TRIM67: variants seen among roughly 807,000 people sequenced by gnomAD.
TRIM67 encodes tripartite motif containing 67.
In TRIM67, 39 loss-of-function variants were observed where a neutral mutation model predicts 71.0. The ratio of observed to expected loss-of-function variants is 0.55; its 90% CI spans 0.43 to 0.72. The LOEUF (loss-of-function observed/expected upper bound fraction) is 0.72. Among genes scored for constraint, TRIM67 ranks in the 30% least tolerant of loss-of-function variants. The pLI is 0.00. For missense variants in TRIM67, 973 were observed against 1,079.2 expected, an observed-to-expected ratio of 0.90 and a Z score of 1.38; for synonymous variants, 481 against 473.9, an observed-to-expected ratio of 1.01 and a Z score of -0.19.
intron 1 of TRIM67, chr1:231,185,325 A>T: frequency 9.0e-7 from 1 of 1,111,246 alleles, no homozygotes; most frequent in Non-Finnish European, 1.3e-6. Context: ...AAAAGGAAGG[A>T]AAGTCAGAAG....
chr1:231,165,576 T>C (rs1298036905), intron 1 of TRIM67, among the ~76,000 whole-genome samples: 1 of 152,174 alleles, frequency 6.6e-6, no homozygotes, highest in Non-Finnish European at 1.5e-5. Context: ...AGAGAAAACA[T>C]GAGCTGGCAA....
intron 1 of TRIM67, among the ~76,000 whole-genome samples, chr1:231,171,807 A>G (rs1170732630): frequency 6.6e-6 from 1 of 152,206 alleles, no homozygotes; most frequent in African/African-American, 2.4e-5. Context: ...TTTTGCAAAA[A>G]AACAAGTCTG....
chr1:231,215,295 G>C (rs541566983), intron 9 of TRIM67, 80 bp from the exon 10 acceptor site: 2 of 1,529,640 alleles, frequency 1.3e-6, no homozygotes, highest in South Asian at 2.5e-5. Context: ...GGATCCTGCC[G>C]GTGTCTGCGG....
chr1:231,185,093 G>T, intron 1 of TRIM67: 1 of 1,532,934 alleles, frequency 6.5e-7, no homozygotes. Flanking sequence ...GGGCACTTCG[G>T]TCACCATCTG....
chr1:231,215,345 C>G (rs1206025392), intron 9 of TRIM67, 30 bp from the exon 10 acceptor site: 10 of 1,608,320 alleles, frequency 6.2e-6, no homozygotes, highest in Non-Finnish European at 8.5e-6. Context: ...CAGCCTCTCC[C>G]ACCCTCACTT....
chr1:231,191,490 TC>T (rs1365126305), intron 1 of TRIM67, among the ~76,000 whole-genome samples: 21 of 152,214 alleles, frequency 1.4e-4, no homozygotes, highest in African/African-American at 4.8e-4. Flanking sequence ...GTGGGGGGCT[TC>T]CCCAGCTGTT....
rs942244169 is a variant in TRIM67 at position 231,218,285 on chromosome 1, G to C, written c.*2845G>C. 9 of 987,172 alleles carry C rather than the reference G, an allele frequency of 9.1e-6. No individual in the cohort carries two copies. Among genetic ancestry groups the C allele is most frequent in the Non-Finnish European group, 1.1e-5 (9 of 831,160 alleles). The allele number at this position is 987,172 out of a possible 1,614,324, so 61.2% of individuals were successfully genotyped here. ...GGCACATTTGTACATACATATAAAT[G>C]ATATCAAGATGAGGCTTTTGTTGGG... On this transcript the variant is annotated 3_prime_UTR_variant, in exon 10 of 10. Coordinates refer to ENST00000366653, the MANE Select transcript of TRIM67 (RefSeq NM_001004342.5).
At chr1:231,213,477 A>G (rs1683927322) in intron 8 of TRIM67, among the ~76,000 whole-genome samples, 1 of 152,164 alleles carries the variant, frequency 6.6e-6, no homozygotes, top group Admixed American at 6.5e-5. Context: ...CTTTAATCCC[A>G]GCACTTTGGA....
In TRIM67 at chr1:231,163,804, G is replaced by C. The variant is rs749732534; in HGVS notation, c.835G>C (p.Gly279Arg). The change falls in exon 1 of 10, where the codon GGC (glycine) becomes CGC (arginine). Residue 279 changes from glycine to arginine, a missense_variant. Physicochemically the swap from Gly to Arg is moderately radical, Grantham distance 125. Around this residue, in one of 2 missense-constraint regions of TRIM67, gnomAD observed 795 missense variants for 831.3 expected, o/e 0.96. Transcript: ENST00000366653. ...GTAQGAPSGGGGCKSPGGAGA... is the reference protein window; with the variant it reads ...GTAQGAPSGGRGCKSPGGAGA... ...CGCCCAGGGCGCCCCCAGCGGAGGC[G>C]GCGGCTGCAAGAGCCCGGGAGGCGC... The C allele has an allele frequency of 5.4e-6, 8 of 1,494,646 alleles. No homozygotes were observed. In the African/African-American group the frequency reaches 1.1e-4, roughly 21 times the overall value. The allele number at this position is 1,494,646 out of a possible 1,614,324, so 92.6% of individuals were successfully genotyped here.
chr1:231,163,134 G>A lies in TRIM67; in HGVS notation c.165G>A (p.Ser55=), dbSNP rs772575532. 6.5e-7 allele frequency: 1 copy of A among 1,543,546 alleles called. No homozygotes were observed. The change falls in exon 1 of 10, where the codon TCG becomes TCA. Residue 55 remains serine, a synonymous_variant. Transcript: ENST00000366653. ...LPQPLLLSRG[S]GLQAGAAAAA... ...AGCCGCTCCTGCTTTCCCGGGGATC[G>A]GGGCTGCAGGCGGGCGCCGCCGCCG... is the stretch of plus-strand genomic sequence containing the variant.
Position 231,163,734 on chromosome 1 carries a change from G to A in TRIM67, c.765G>A (p.Pro255=), listed in dbSNP as rs1195619728. ...FAKHRLVQPP[P]PPPPPAEAAS... ...AGCATCGCCTGGTGCAGCCGCCGCC[G>A]CCGCCGCCGCCGCCCGCCGAGGCAG... The change falls in exon 1 of 10, where the codon CCG becomes CCA. Residue 255 remains proline, a synonymous_variant. Coordinates refer to ENST00000366653, the MANE Select transcript of TRIM67 (RefSeq NM_001004342.5). 5 of 1,491,632 alleles carry A rather than the reference G, an allele frequency of 3.4e-6. No individual in the cohort carries two copies. The highest frequency in any genetic ancestry group is 4.6e-5 in the Admixed American group (2 of 43,880). 92.4% of individuals were successfully genotyped at this position (1,491,632 alleles called of 1,614,324 possible).
intron 4 of TRIM67, among the ~76,000 whole-genome samples, 181 bp from the exon 5 acceptor site, chr1:231,201,177 G>A (rs1002034851): frequency 2.0e-5 from 3 of 152,150 alleles, no homozygotes; most frequent in South Asian, 2.1e-4. Flanking sequence ...ATATTTCAAT[G>A]CATTTTTAGA....
In TRIM67 at chr1:231,204,024, C is replaced by T. The variant is rs1683627856; in HGVS notation, c.1680+12C>T. ...GGGGACAGTTCCGGGTGAGGCCTTGCTGCTTATTTGGCGGGGATTGAGGGT... is the reference window on the plus strand; with the variant it reads ...GGGGACAGTTCCGGGTGAGGCCTTGTTGCTTATTTGGCGGGGATTGAGGGT... On this transcript the variant is annotated intron_variant, in intron 6 of 9. Transcript: ENST00000366653. 1 of 1,613,408 alleles carries T rather than the reference C, an allele frequency of 6.2e-7. No individual in the cohort carries two copies. Among genetic ancestry groups the T allele is most frequent in the Non-Finnish European group, 8.5e-7 (1 of 1,179,664 alleles).
At chr1:231,177,510 T>A (rs1056383040) in intron 1 of TRIM67, among the ~76,000 whole-genome samples, 1 of 152,228 alleles carries the variant, frequency 6.6e-6, no homozygotes, top group African/African-American at 2.4e-5. Context: ...AGGCTTGTTC[T>A]TGGTGTTATC....
intron 6 of TRIM67, 31 bp from the exon 7 acceptor site, chr1:231,206,621 G>A (rs766107347): frequency 3.3e-6 from 5 of 1,528,756 alleles, no homozygotes; most frequent in Admixed American, 2.1e-5. Flanking sequence ...AATGCTAGAG[G>A]AGCCTGGTGA....
chr1:231,188,892 G>T (rs1285373492), intron 1 of TRIM67, among the ~76,000 whole-genome samples: 1 of 152,172 alleles, frequency 6.6e-6, no homozygotes, highest in Admixed American at 6.5e-5. Context: ...GTTGTGACTG[G>T]GTTCGGGCAG....
At chr1:231,202,667 A>C (rs1366432420) in intron 5 of TRIM67, among the ~76,000 whole-genome samples, 1 of 152,100 alleles carries the variant, frequency 6.6e-6, no homozygotes, top group Non-Finnish European at 1.5e-5. Flanking sequence ...TACCTGCATA[A>C]TTTGTGGCCA....
Position 231,209,563 on chromosome 1 carries a change from C to G in TRIM67, c.2123+313C>G, listed in dbSNP as rs1683811695. 6.6e-6 allele frequency among the ~76,000 whole-genome samples: 1 copy of G among 152,192 alleles called. No homozygotes were observed. The highest frequency in any genetic ancestry group is 1.5e-5 in the Non-Finnish European group (1 of 68,030). On this transcript the variant is annotated intron_variant, in intron 8 of 9. Transcript: ENST00000366653. This position sits in a 1 kb window ranked among gnomAD's most constrained non-coding sequence, Gnocchi z 4.1. Reference sequence around the variant, plus strand: ...TAGTTTTCTTTCTGGTACGGCTTCACTTTCCTTTTCAACTGTCAACCCAAG... The same window carrying G: ...TAGTTTTCTTTCTGGTACGGCTTCAGTTTCCTTTTCAACTGTCAACCCAAG...
rs2102706631 is a variant in TRIM67 at position 231,163,384 on chromosome 1, G to C, written c.415G>C (p.Ala139Pro). The change falls in exon 1 of 10, where the codon GCT becomes CCT. Residue 139 changes from alanine (A) to proline (P), a missense_variant. By Grantham distance (27) the Ala-to-Pro change is conservative. Transcript: ENST00000366653. ...GGTGCCCGCACCACCCGGCTCCTCG[G>C]CTGCGGCGGCTCGGGGTGCCGCCTG... Reference protein sequence around the residue: ...PMVPAPPGSSAAAARGAACSS... With the variant: ...PMVPAPPGSSPAAARGAACSS... 1 of 1,535,770 alleles carries C rather than the reference G, an allele frequency of 6.5e-7. No homozygotes were observed. Among genetic ancestry groups the C allele is most frequent in the East Asian group, 2.5e-5 (1 of 39,496 alleles).
Sources: gnomAD v4.1 joint callset for allele counts (sites outside exome capture counted in the v4.1 genomes callset) on GRCh38, gnomAD v4.1.1 for gene constraint, gnomAD v4.1.1 regional missense constraint, Gnocchi (gnomAD v3.1) non-coding constraint, MANE v1.5 for transcripts, NCBI Gene and HGNC (gene_info 2026-07-23, HGNC 2026-07-21) for gene names.